Variants in ZSWIM2 observed in about 807,000 individuals in gnomAD.
ZSWIM2 encodes the protein zinc finger SWIM-type containing 2, also known as E3 ubiquitin-protein ligase ZSWIM2.
Under a neutral mutation model 48.4 loss-of-function variants are expected in ZSWIM2, and 38 were observed. The observed-to-expected ratio is 0.79, with a 90% CI of 0.61 to 1.03. The LOEUF (loss-of-function observed/expected upper bound fraction) is 1.03, where lower values mean the gene tolerates loss of function less well. Among genes scored for constraint, ZSWIM2 ranks in the 50% least tolerant of loss-of-function variants. ZSWIM2 has a pLI of 0.00. For synonymous variants in ZSWIM2, 240 were observed against 251.3 expected, an observed-to-expected ratio of 0.96 and a Z score of 0.42; for missense variants, 776 against 730.2, an observed-to-expected ratio of 1.06 and a Z score of -0.72.
At chr2:186,835,643 T>C (rs957838458) in intron 5 of ZSWIM2, among the ~76,000 whole-genome samples, 3 of 152,170 alleles carry the variant, frequency 2.0e-5, no homozygotes, top group Non-Finnish European at 4.4e-5. Context: ...AAAGATGAAG[T>C]AGTTAAATTC....
chr2:186,849,153 C>A lies in ZSWIM2; in HGVS notation c.-23G>T. 6.3e-7 allele frequency: 1 copy of A among 1,591,650 alleles called. No homozygotes were observed. Among genetic ancestry groups the A allele is most frequent in the Non-Finnish European group, 8.6e-7 (1 of 1,165,854 alleles). On this transcript the variant is annotated 5_prime_UTR_variant, in exon 1 of 9. Coordinates refer to ENST00000295131, the MANE Select transcript of ZSWIM2 (RefSeq NM_182521.3). Reference sequence around the variant, plus strand: ...CATGCTGGGTGCGGGCGGAGGCGGCCCCTCTGCTCGGCTCACTGAGGCGCC... The same window carrying A: ...CATGCTGGGTGCGGGCGGAGGCGGCACCTCTGCTCGGCTCACTGAGGCGCC...
chr2:186,829,150 A>C (rs1398923008), intron 8 of ZSWIM2, among the ~76,000 whole-genome samples: 2 of 152,134 alleles, frequency 1.3e-5, no homozygotes, highest in African/African-American at 4.8e-5. Context: ...GTAAAATATA[A>C]AATAACAAAT....
chr2:186,838,235 A>C (rs1170848431), intron 4 of ZSWIM2, among the ~76,000 whole-genome samples: 1 of 151,212 alleles, frequency 6.6e-6, no homozygotes, highest in Non-Finnish European at 1.5e-5. Flanking sequence ...AAAAAAATTA[A>C]AAATAAAATA....
chr2:186,828,105 T>C lies in ZSWIM2; in HGVS notation c.1781A>G (p.Tyr594Cys). 4.3e-6 allele frequency: 7 copies of C among 1,613,542 alleles called. No homozygotes were observed. The highest frequency in any genetic ancestry group is 5.9e-6 in the Non-Finnish European group (7 of 1,179,708). The change falls in exon 9 of 9, where the codon TAT becomes TGT. Residue 594 changes from tyrosine (Y) to cysteine (C), a missense_variant. Coordinates refer to ENST00000295131, the MANE Select transcript of ZSWIM2 (RefSeq NM_182521.3). ...TGTAATTTCCCCCATACAGTTACTA[T>C]ACCTTTTAGACAAACTAAGTTTAGC... is the stretch of plus-strand genomic sequence containing the variant. ...STAKLSLSKR[Y>C]SNCMGEITRK...
rs1691669945 is a variant in ZSWIM2 at position 186,829,998 on chromosome 2, G to A, written c.942-118C>T. 4.1e-6 allele frequency: 4 copies of A among 968,776 alleles called. No individual in the cohort carries two copies. In the East Asian group the frequency reaches 1.1e-4, roughly 26 times the overall value. The allele number at this position is 968,776 out of a possible 1,614,324, so 60.0% of individuals were successfully genotyped here. ...ATGCAATCGAACCCTAGGTTTTCTT[G>A]AACTAAAGATAATAAATCTCATATA... is the stretch of plus-strand genomic sequence containing the variant. On this transcript the variant is annotated intron_variant, in intron 7 of 8. Coordinates refer to ENST00000295131, the MANE Select transcript of ZSWIM2 (RefSeq NM_182521.3).
At position 186,837,404 on chromosome 2, in the gene ZSWIM2, G is replaced by T. The variant is rs772035726; in HGVS notation, c.645C>A (p.Ser215Arg). ...KLILEEFKNS[S>R]KLVAAAEKER... ...CTTTTTCTGCTGCAGCTACTAGTTT[G>T]CTAGAGTTTTTGAATTCCTCCAAAA... Residue 215 changes from serine (S) to arginine (R), a missense_variant, in exon 5 of 9, where the codon AGC becomes AGA. Ser to Arg is a moderately radical substitution (Grantham distance 110). Coordinates refer to ENST00000295131, the MANE Select transcript of ZSWIM2 (RefSeq NM_182521.3). 2 of 1,612,826 alleles carry T rather than the reference G, an allele frequency of 1.2e-6. No individual in the cohort carries two copies. The highest frequency in any genetic ancestry group is 1.3e-5 in the African/African-American group (1 of 74,798).
At position 186,828,675 on chromosome 2, in the gene ZSWIM2, G is replaced by A; in HGVS notation, c.1211C>T (p.Ala404Val). 2 of 1,613,032 alleles carry A rather than the reference G, an allele frequency of 1.2e-6. No individual in the cohort carries two copies. Among genetic ancestry groups the A allele is most frequent in the Non-Finnish European group, 1.7e-6 (2 of 1,179,588 alleles). The change falls in exon 9 of 9, where the codon GCA becomes GTA. Residue 404 changes from alanine (A) to valine (V), a missense_variant. Ala to Val is a moderately conservative substitution (Grantham distance 64, BLOSUM62 0). Coordinates refer to ENST00000295131, the MANE Select transcript of ZSWIM2 (RefSeq NM_182521.3). Reference sequence around the variant, plus strand: ...GTCTCTGTTTGAAACAGACTGATGTGCTTGTCCATTCACTGCTGAATTTTT... The same window carrying A: ...GTCTCTGTTTGAAACAGACTGATGTACTTGTCCATTCACTGCTGAATTTTT... ...TWKNSAVNGQ[A>V]HQSVSNRDII... is the part of the protein sequence containing the mutation.
At chr2:186,843,414 G>T (rs1691943374) in intron 3 of ZSWIM2, among the ~76,000 whole-genome samples, 1 of 151,652 alleles carries the variant, frequency 6.6e-6, no homozygotes, top group East Asian at 1.9e-4. Context: ...CAAAGTTCAG[G>T]CATTGGAAAC....
At position 186,834,028 on chromosome 2, in the gene ZSWIM2, C is replaced by T. The variant is rs769160898; in HGVS notation, c.746G>A (p.Cys249Tyr). Residue 249 changes from cysteine to tyrosine, a missense_variant and splice_region_variant, in exon 6 of 9, where the codon TGT becomes TAT. By Grantham distance (194) the Cys-to-Tyr change is radical (BLOSUM62 -2). Transcript: ENST00000295131. Reference sequence around the variant, plus strand: ...TAAGTGATATTCTATGCATTCGGTACACCTAAAAATACAAAACATCAAAAC... The same window carrying T: ...TAAGTGATATTCTATGCATTCGGTATACCTAAAAATACAAAACATCAAAAC... ...QFPIEGKCYK[C>Y]TECIEYHLCQ... 2 of 1,605,172 alleles carry T rather than the reference C, an allele frequency of 1.2e-6. No homozygotes were observed. Among genetic ancestry groups the T allele is most frequent in the East Asian group, 2.2e-5 (1 of 44,806 alleles).
Position 186,838,980 on chromosome 2 carries a change from T to A in ZSWIM2, c.473A>T (p.Lys158Met). Residue 158 changes from lysine (K) to methionine (M), a missense_variant, in exon 4 of 9, where the codon AAG (lysine) becomes ATG (methionine). By Grantham distance (95) the Lys-to-Met change is moderately conservative (BLOSUM62 -1). Transcript: ENST00000295131. ...TCACCTGCAAAAGGTGACAGGAAGC[T>A]TTTTCTCTAAAAGTAGCTCTTGACA... The part of the protein sequence containing the change: ...SICQELLLEK[K>M]LPVTFCRFGC... 6.2e-7 allele frequency: 1 copy of A among 1,608,556 alleles called. No homozygotes were observed. The highest frequency in any genetic ancestry group is 8.5e-7 in the Non-Finnish European group (1 of 1,176,700).
In ZSWIM2 at chr2:186,837,503, A is replaced by G. The variant is rs1220892486; in HGVS notation, c.546T>C (p.Asn182=). 1 of 1,611,786 alleles carries G rather than the reference A, an allele frequency of 6.2e-7. No individual in the cohort carries two copies. The highest frequency in any genetic ancestry group is 8.5e-7 in the Non-Finnish European group (1 of 1,178,692). The part of the protein sequence containing the change: ...IHIKCMKILA[N]YQSTSNTSML... Reference sequence around the variant, plus strand: ...TGGAAGTGTTTGATGTACTCTGATAATTAGCTAAGATCTTCATGCATTTTA... The same window carrying G: ...TGGAAGTGTTTGATGTACTCTGATAGTTAGCTAAGATCTTCATGCATTTTA... Residue 182 remains asparagine (N), a synonymous_variant, in exon 5 of 9, where the codon AAT becomes AAC. Coordinates refer to ENST00000295131, the MANE Select transcript of ZSWIM2 (RefSeq NM_182521.3).
In ZSWIM2 at chr2:186,827,834, C is replaced by G. The variant is rs1456460789; in HGVS notation, c.*150G>C. 1.9e-6 allele frequency: 1 copy of G among 532,178 alleles called. No individual in the cohort carries two copies. The highest frequency in any genetic ancestry group is 3.2e-6 in the Non-Finnish European group (1 of 313,838). 33.0% of individuals were successfully genotyped at this position (532,178 alleles called of 1,614,324 possible). ...GTCATATAAGTAATAGAATCATTTC[C>G]TTTAAGTGTAGTGAGCTGTTTATAG... On this transcript the variant is annotated 3_prime_UTR_variant, in exon 9 of 9. Coordinates refer to ENST00000295131, the MANE Select transcript of ZSWIM2 (RefSeq NM_182521.3).
intron 4 of ZSWIM2, among the ~76,000 whole-genome samples, chr2:186,838,233 TAAA>T (rs1428702613): frequency 2.7e-5 from 4 of 149,930 alleles, no homozygotes; most frequent in African/African-American, 9.8e-5. Flanking sequence ...ATAAAAAAAT[TAAA>T]AATAAAATAA....
chr2:186,832,823 C>T (rs1441334554), intron 7 of ZSWIM2, among the ~76,000 whole-genome samples: 1 of 151,838 alleles, frequency 6.6e-6, no homozygotes, highest in African/African-American at 2.4e-5. Flanking sequence ...TCACAAAATT[C>T]CTACAAGGTT....
At chr2:186,837,620 A>G in intron 4 of ZSWIM2, 66 bp from the exon 5 acceptor site, 2 of 433,274 alleles carry the variant, frequency 4.6e-6, no homozygotes, top group Non-Finnish European at 3.3e-6. Context: ...TTGTATATAT[A>G]TATATATATT....
chr2:186,838,609 C>T (rs1405007507), intron 4 of ZSWIM2, among the ~76,000 whole-genome samples: 1 of 148,662 alleles, frequency 6.7e-6, no homozygotes, highest in African/African-American at 2.5e-5. Flanking sequence ...TGTAGTGTAG[C>T]TCAGAAAGAT....
At chr2:186,845,771 A>G (rs13407429) in intron 2 of ZSWIM2, among the ~76,000 whole-genome samples, 22,104 of 151,522 alleles carry the variant, frequency 0.15, 2,531 homozygotes, top group African/African-American at 0.33. Context: ...TTACCCTACA[A>G]ATAGATTCTC....
In ZSWIM2 at chr2:186,847,736, A is replaced by C. The variant is rs775927076; in HGVS notation, c.225T>G (p.Leu75=). 2 of 1,604,952 alleles carry C rather than the reference A, an allele frequency of 1.2e-6. No homozygotes were observed. Among genetic ancestry groups the C allele is most frequent in the Admixed American group, 3.4e-5 (2 of 59,144 alleles). ...NCSTFPKGGE[L]CKHICWVLLK... is the part of the protein sequence containing the mutation. ...TCACTTACCAGCAGATATGCTTACA[A>C]AGTTCCCCTCCTTTCGGAAATGTGG... The change falls in exon 2 of 9, where the codon CTT becomes CTG. Residue 75 remains leucine (L), a synonymous_variant. Transcript: ENST00000295131.
chr2:186,840,910 T>A (rs1691891590), intron 3 of ZSWIM2, among the ~76,000 whole-genome samples: 1 of 151,390 alleles, frequency 6.6e-6, no homozygotes, highest in South Asian at 2.1e-4. Context: ...AATTAAGAAA[T>A]GTTTGCAGTT....
Sources: gnomAD v4.1 joint callset for allele counts (sites outside exome capture counted in the v4.1 genomes callset) on GRCh38, gnomAD v4.1.1 for gene constraint, MANE v1.5 for transcripts, NCBI Gene and HGNC (gene_info 2026-07-23, HGNC 2026-07-21) for gene names.